Variants in FLVCR1 observed in about 807,000 individuals in gnomAD.
FLVCR1 encodes the protein FLVCR choline and heme transporter 1.
A neutral mutation model predicts 53.6 loss-of-function variants in FLVCR1; 34 were observed. The ratio of observed to expected loss-of-function variants is 0.63; its 90% CI spans 0.48 to 0.84. The LOEUF is 0.84. Among genes scored for constraint, FLVCR1 ranks in the 40% least tolerant of loss-of-function variants. FLVCR1 has a pLI of 0.00. For synonymous variants in FLVCR1, 300 were observed against 286.3 expected, an observed-to-expected ratio of 1.05 and a Z score of -0.48; for missense variants, 677 against 696.7, an observed-to-expected ratio of 0.97 and a Z score of 0.32.
Position 212,877,686 on chromosome 1 carries a change from G to GTTTTTTT in FLVCR1, c.1024+4879_1024+4885dup, listed in dbSNP as rs56783462. Reference sequence around the variant, plus strand: ...AAGTTGTCTGTTCACTCTGATGATAGTTTTTTTTTTTTTTTTTGCTGTGCA... The same window carrying GTTTTTTT: ...AAGTTGTCTGTTCACTCTGATGATAGTTTTTTTTTTTTTTTTTTTTTTTTGCTGTGCA... On this transcript the variant is annotated intron_variant, in intron 3 of 9. Coordinates refer to ENST00000366971, the MANE Select transcript of FLVCR1 (RefSeq NM_014053.4). Among the ~76,000 whole-genome samples the GTTTTTTT allele has an allele frequency of 1.6e-4, 20 of 127,158 alleles. 1 individual carries two copies. The highest frequency in any genetic ancestry group is 4.6e-4 in the East Asian group (2 of 4,384). The allele number at this position is 127,158 out of a possible 152,430, so 83.4% of individuals were successfully genotyped here.
chr1:212,885,247 A>T, intron 4 of FLVCR1, 46 bp from the exon 5 acceptor site: 2 of 1,249,264 alleles, frequency 1.6e-6, no homozygotes, highest in Non-Finnish European at 2.4e-6. Flanking sequence ...AGTCTGAATT[A>T]GTTAATCCAT....
chr1:212,882,318 A>AATACTGT (rs1664952532), intron 3 of FLVCR1, among the ~76,000 whole-genome samples: 1 of 152,222 alleles, frequency 6.6e-6, no homozygotes, highest in African/African-American at 2.4e-5. Flanking sequence ...AATGAACTAC[A>AATACTGT]ACAAAAAATA....
At chr1:212,862,202 A>G (rs1664266375) in intron 1 of FLVCR1, among the ~76,000 whole-genome samples, 1 of 152,178 alleles carries the variant, frequency 6.6e-6, no homozygotes, top group African/African-American at 2.4e-5. Flanking sequence ...TAACCATTTT[A>G]ATGTGTACAA....
intron 8 of FLVCR1, 52 bp downstream of exon 8, chr1:212,889,309 C>T: frequency 9.1e-7 from 1 of 1,096,682 alleles, no homozygotes; most frequent in Non-Finnish European, 1.4e-6. Flanking sequence ...TGTTAATTTT[C>T]ATATATATTG....
chr1:212,886,142 A>G lies in FLVCR1; in HGVS notation c.1196+746A>G, dbSNP rs1397092779. ...CTGCAACTTCTGCTTTCCAGGCTCA[A>G]GTGATTCTCCCACCTCAGCCTCCTG... On this transcript the variant is annotated intron_variant, in intron 5 of 9. Coordinates refer to ENST00000366971, the MANE Select transcript of FLVCR1 (RefSeq NM_014053.4). Among the ~76,000 whole-genome samples the G allele has an allele frequency of 4.0e-5, 6 of 148,714 alleles. No individual in the cohort carries two copies. In the Admixed American group the frequency reaches 4.1e-4, roughly 10 times the overall value.
intron 2 of FLVCR1, among the ~76,000 whole-genome samples, chr1:212,872,115 TTC>T (rs1394323409): frequency 7.2e-5 from 11 of 152,138 alleles, no homozygotes; most frequent in Non-Finnish European, 1.5e-4. Flanking sequence ...TTCTTTTATT[TTC>T]CTTTTTTTTT....
In FLVCR1 at chr1:212,872,658, C is replaced by T. The variant is rs1184401859; in HGVS notation, c.884-20C>T. The stretch of plus-strand genomic sequence containing the variant: ...GTATATATATTAAATATACATAATC[C>T]TTTTCGTGTATATTCTCAGCCTTCA... On this transcript the variant is annotated intron_variant, in intron 2 of 9. Coordinates refer to ENST00000366971, the MANE Select transcript of FLVCR1 (RefSeq NM_014053.4). 1.3e-6 allele frequency: 2 copies of T among 1,568,498 alleles called. No individual in the cohort carries two copies. The highest frequency in any genetic ancestry group is 1.8e-6 in the Non-Finnish European group (2 of 1,139,074).
Position 212,858,586 on chromosome 1 carries a change from G to T in FLVCR1, c.134G>T (p.Gly45Val). 1 of 1,501,934 alleles carries T rather than the reference G, an allele frequency of 6.7e-7. No homozygotes were observed. The allele number at this position is 1,501,934 out of a possible 1,614,324, so 93.0% of individuals were successfully genotyped here. A position where few individuals can be genotyped will look rare whatever the true frequency, so the allele number is the denominator to read the frequency against. Residue 45 changes from glycine to valine, a missense_variant, in exon 1 of 10, where the codon GGC becomes GTC. Gly to Val is a moderately radical substitution (Grantham distance 109). Transcript: ENST00000366971. ...GAGCTGCAGAACGGGCCCAAAGCGG[G>T]CACCTTCCCGGTGAATGGGGCCCCC... is the stretch of plus-strand genomic sequence containing the variant. ...SVELQNGPKA[G>V]TFPVNGAPRD...
In FLVCR1 at chr1:212,874,286, G is replaced by A. The variant is rs184781291; in HGVS notation, c.1024+1468G>A. Among the ~76,000 whole-genome samples the A allele has an allele frequency of 1.7e-3, 252 of 152,300 alleles. 1 individual carries two copies. Among genetic ancestry groups the A allele is most frequent in the African/African-American group, 4.9e-3 (203 of 41,562 alleles). On this transcript the variant is annotated intron_variant, in intron 3 of 9. Transcript: ENST00000366971. ...GGCCTCCGAAAGTGCGGGATTACAG[G>A]CGTGAGCCAAAATGCCCGGCCTTTC...
chr1:212,869,066 T>C (rs1269137648), intron 2 of FLVCR1, among the ~76,000 whole-genome samples: 1 of 152,158 alleles, frequency 6.6e-6, no homozygotes, highest in Non-Finnish European at 1.5e-5. Context: ...TAACGAAATT[T>C]TAAAAATGTT....
intron 2 of FLVCR1, among the ~76,000 whole-genome samples, chr1:212,865,459 A>G (rs934832189): frequency 2.0e-5 from 3 of 148,990 alleles, no homozygotes; most frequent in African/African-American, 7.4e-5. Context: ...CATTTTGCAT[A>G]AATGGACCTT....
intron 3 of FLVCR1, among the ~76,000 whole-genome samples, chr1:212,881,345 T>A (rs1664924083): frequency 1.0e-5 from 1 of 100,452 alleles, no homozygotes; most frequent in Non-Finnish European, 2.4e-5. Flanking sequence ...TCTGTCGAAT[T>A]TCTTTTTTTT....
intron 4 of FLVCR1, among the ~76,000 whole-genome samples, chr1:212,884,072 C>A (rs1664994418): frequency 6.6e-6 from 1 of 152,138 alleles, no homozygotes; most frequent in South Asian, 2.1e-4. Context: ...CTTTGGAAGG[C>A]CGAGGCGGGT....
intron 3 of FLVCR1, among the ~76,000 whole-genome samples, chr1:212,877,745 G>A (rs1664801070): frequency 1.4e-5 from 2 of 142,338 alleles, no homozygotes; most frequent in South Asian, 4.5e-4. Context: ...GCCAATGAAT[G>A]AACTTTCTGA....
intron 8 of FLVCR1, among the ~76,000 whole-genome samples, chr1:212,892,653 C>G (rs1274435945): frequency 6.6e-6 from 1 of 152,176 alleles, no homozygotes; most frequent in Non-Finnish European, 1.5e-5. Flanking sequence ...TCTGGAAACA[C>G]AGCATCCCTT....
In FLVCR1 at chr1:212,871,934, G is replaced by A. The variant is rs41296732; in HGVS notation, c.884-744G>A. ...TACTTTCCATATGAAGCTCAAGTGA[G>A]TTAGCAAGACCTAGCTCTGCTTCCA... On this transcript the variant is annotated intron_variant, in intron 2 of 9. Coordinates refer to ENST00000366971, the MANE Select transcript of FLVCR1 (RefSeq NM_014053.4). 3.4e-4 allele frequency among the ~76,000 whole-genome samples: 51 copies of A among 152,226 alleles called. 1 individual carries two copies. Among genetic ancestry groups the A allele is most frequent in the African/African-American group, 1.2e-3 (48 of 41,538 alleles).
chr1:212,885,159 T>G, intron 4 of FLVCR1, 134 bp from the exon 5 acceptor site: 1 of 716,798 alleles, frequency 1.4e-6, no homozygotes, highest in Non-Finnish European at 2.6e-6. Context: ...CACTGACACA[T>G]GTACTAAATC....
At chr1:212,878,994 A>G (rs896078405) in intron 3 of FLVCR1, among the ~76,000 whole-genome samples, 2 of 152,128 alleles carry the variant, frequency 1.3e-5, no homozygotes, top group African/African-American at 4.8e-5. Context: ...GTCTCAAAAA[A>G]AAAAAGACCT....
At chr1:212,860,099 A>G (rs1664175493) in intron 1 of FLVCR1, among the ~76,000 whole-genome samples, 1 of 149,322 alleles carries the variant, frequency 6.7e-6, no homozygotes, top group African/African-American at 2.4e-5. Flanking sequence ...CCTGGCCAAC[A>G]TGGCAAAACC....
Sources: allele counts gnomAD v4.1 joint callset (sites outside exome capture counted in the v4.1 genomes callset), GRCh38; gene constraint gnomAD v4.1.1; transcripts MANE v1.5; gene names NCBI Gene and HGNC (gene_info 2026-07-23, HGNC 2026-07-21).